GALNT13: variants seen among roughly 807,000 people sequenced by gnomAD.
GALNT13 encodes the protein polypeptide N-acetylgalactosaminyltransferase 13.
In GALNT13, 28 loss-of-function variants were observed where a neutral mutation model predicts 64.2. The observed-to-expected ratio is 0.44, with a 90% confidence interval of 0.32 to 0.60. The LOEUF (loss-of-function observed/expected upper bound fraction) is 0.60, where lower values mean the gene tolerates loss of function less well. Among genes scored for constraint, GALNT13 ranks in the 20% least tolerant of loss-of-function variants. The probability of loss-of-function intolerance (pLI) is 0.05; values close to 1 mark genes in which losing one functional copy is unlikely to be tolerated. For synonymous variants in GALNT13, 214 were observed against 224.6 expected (o/e 0.95, Z 0.42); for missense variants, 577 against 669.8 (o/e 0.86, Z 1.53).
chr2:153,194,407 TA>T, the GALNT13 span, among the ~76,000 whole-genome samples: 1 of 152,318 alleles, frequency 6.6e-6, no homozygotes, highest in South Asian at 2.1e-4. Context: ...ATTTGTATTT[TA>T]TTTAATACAT....
chr2:154,147,962 C>T (rs1451596923), intron 4 of GALNT13, among the ~76,000 whole-genome samples: 1 of 151,328 alleles, frequency 6.6e-6, no homozygotes, highest in Non-Finnish European at 1.5e-5. Flanking sequence ...TACATGTACA[C>T]AATGTGCAGG....
At chr2:153,289,407 C>T in the GALNT13 span, among the ~76,000 whole-genome samples, 2 of 152,118 alleles carry the variant, frequency 1.3e-5, no homozygotes, top group South Asian at 2.1e-4. Context: ...CTTCACTGCA[C>T]CTATTTGGAA....
intron 2 of GALNT13, among the ~76,000 whole-genome samples, chr2:153,915,962 CTG>C (rs951410922): frequency 3.2e-4 from 48 of 152,156 alleles, no homozygotes; most frequent in African/African-American, 1.1e-3. Context: ...GCACACACAA[CTG>C]TTTTGTTGGT....
At chr2:153,904,042 CTG>C (rs1688402006) in intron 2 of GALNT13, among the ~76,000 whole-genome samples, 2 of 151,780 alleles carry the variant, frequency 1.3e-5, no homozygotes, top group African/African-American at 4.8e-5. Flanking sequence ...TTGGTTTAGC[CTG>C]ATTTTTAAAT....
chr2:153,712,699 G>T, the GALNT13 span, among the ~76,000 whole-genome samples: 1 of 152,094 alleles, frequency 6.6e-6, no homozygotes, highest in Admixed American at 6.6e-5. Flanking sequence ...GCAACTTTGA[G>T]GTATACGACA....
the GALNT13 span, among the ~76,000 whole-genome samples, chr2:153,758,136 C>A: frequency 1.3e-5 from 2 of 152,062 alleles, no homozygotes; most frequent in African/African-American, 4.8e-5. Flanking sequence ...CAATTTTTAA[C>A]CCAGTTTGAG....
At chr2:154,252,221 G>T (rs1690106133) in intron 7 of GALNT13, among the ~76,000 whole-genome samples, 1 of 151,764 alleles carries the variant, frequency 6.6e-6, no homozygotes, top group Non-Finnish European at 1.5e-5. Context: ...AAAAATAGAA[G>T]GAATGATGTT....
At chr2:154,350,460 T>C (rs149221157) in intron 9 of GALNT13, among the ~76,000 whole-genome samples, 6 of 152,180 alleles carry the variant, frequency 3.9e-5, no homozygotes, top group African/African-American at 1.4e-4. Flanking sequence ...CTTACACCAG[T>C]GGTTTGCCAG....
chr2:153,457,228 G>A, the GALNT13 span, among the ~76,000 whole-genome samples: 2 of 152,174 alleles, frequency 1.3e-5, no homozygotes, highest in Non-Finnish European at 2.9e-5. Flanking sequence ...TGTGTTTTAT[G>A]TGGAGGTAAT....
chr2:154,096,063 A>G (rs1167022731), intron 3 of GALNT13, among the ~76,000 whole-genome samples: 1 of 152,078 alleles, frequency 6.6e-6, no homozygotes, highest in Admixed American at 6.6e-5. Context: ...ATATGTATGT[A>G]TAATAAGGAT....
the GALNT13 span, among the ~76,000 whole-genome samples, chr2:153,682,918 G>A: frequency 1.3e-5 from 2 of 151,662 alleles, no homozygotes; most frequent in South Asian, 4.1e-4. Flanking sequence ...CTTTCTGGAT[G>A]CTAAATGGAT....
chr2:153,316,280 C>T, the GALNT13 span, among the ~76,000 whole-genome samples: 6 of 151,900 alleles, frequency 3.9e-5, no homozygotes, highest in South Asian at 2.1e-4. Context: ...AAACTCCTAC[C>T]GCCACTCTGA....
chr2:153,410,840 T>TAC, the GALNT13 span, among the ~76,000 whole-genome samples: 28 of 151,348 alleles, frequency 1.9e-4, no homozygotes, highest in South Asian at 4.2e-4. Flanking sequence ...GAAAAATATT[T>TAC]ACACACACAC....
At chr2:153,565,793 T>C in the GALNT13 span, among the ~76,000 whole-genome samples, 5 of 152,184 alleles carry the variant, frequency 3.3e-5, no homozygotes, top group South Asian at 1.0e-3. Context: ...TGCATACACA[T>C]ACCCCTCATG....
At chr2:154,360,491 CTGTG>C (rs5835513) in intron 9 of GALNT13, among the ~76,000 whole-genome samples, 1 of 151,800 alleles carries the variant, frequency 6.6e-6, no homozygotes, top group African/African-American at 2.4e-5. Context: ...GTACCACAGA[CTGTG>C]TTTTATCCCA....
At chr2:153,483,616 A>G in the GALNT13 span, among the ~76,000 whole-genome samples, 2 of 151,984 alleles carry the variant, frequency 1.3e-5, no homozygotes, top group South Asian at 4.2e-4. Context: ...GGGTTTATCC[A>G]TGTTGGTCAG....
Position 154,336,892 on chromosome 2 carries a change from C to G in GALNT13, c.1156+35303C>G, listed in dbSNP as rs762478034. 2.1e-4 allele frequency among the ~76,000 whole-genome samples: 32 copies of G among 151,966 alleles called. 1 individual carries two copies. The highest frequency in any genetic ancestry group is 4.0e-4 in the Non-Finnish European group (27 of 67,964). ...CTGGGTAAACCACTGAGATAAGAAT[C>G]CTAATTTGTTCAGAATATTAGACTT... On this transcript the variant is annotated intron_variant, in intron 9 of 12. Coordinates refer to ENST00000392825, the MANE Select transcript of GALNT13 (RefSeq NM_052917.4).
the GALNT13 span, among the ~76,000 whole-genome samples, chr2:153,075,109 A>G: frequency 1.3e-5 from 2 of 152,270 alleles, no homozygotes; most frequent in East Asian, 3.9e-4. Context: ...AGTAGTTTTG[A>G]TAACTTTATT....
At chr2:153,440,425 C>G in the GALNT13 span, among the ~76,000 whole-genome samples, 1 of 152,132 alleles carries the variant, frequency 6.6e-6, no homozygotes, top group Non-Finnish European at 1.5e-5. Context: ...GTGCATGTGT[C>G]TTTATAGTTG....
Sources: allele counts gnomAD v4.1 joint callset (sites outside exome capture counted in the v4.1 genomes callset), GRCh38; gene constraint gnomAD v4.1.1; transcripts MANE v1.5; gene names NCBI Gene and HGNC (gene_info 2026-07-23, HGNC 2026-07-21).